The following ADORA2B variants were observed in gnomAD, a reference collection of about 807,000 sequenced individuals.
The protein encoded by ADORA2B is adenosine A2b receptor, also known as adenosine receptor A2b.
ADORA2B carries 18 observed loss-of-function variants against 20.8 expected under a neutral mutation model. That is an observed-to-expected ratio of 0.87 (90% CI 0.60 to 1.29). The LOEUF (loss-of-function observed/expected upper bound fraction) is 1.29. Among genes scored for constraint, ADORA2B ranks in the 50% most tolerant of loss-of-function variants. ADORA2B has a pLI of 0.00. For missense variants in ADORA2B, 441 were observed against 422.7 expected, an observed-to-expected ratio of 1.04 and a Z score of -0.38; for synonymous variants, 179 against 178.3, an observed-to-expected ratio of 1.00 and a Z score of -0.03.
At chr17:15,858,951 C>T in the ADORA2B span, 2 of 152,176 alleles carry the variant, frequency 1.3e-5, no homozygotes, top group Admixed American at 6.5e-5. Context: ...CTGCCAGCTG[C>T]ACCTCTCAGT....
the ADORA2B span, among the ~76,000 whole-genome samples, chr17:15,924,871 C>CT: frequency 2.8e-4 from 40 of 145,044 alleles, no homozygotes; most frequent in Non-Finnish European, 2.7e-4. Flanking sequence ...TTCTTTCTTT[C>CT]TTTTTTTTTT....
chr17:15,975,307 G>A lies in ADORA2B; in HGVS notation c.964G>A (p.Ala322Thr). 6.2e-7 allele frequency: 1 copy of A among 1,613,094 alleles called. No homozygotes were observed. Among genetic ancestry groups the A allele is most frequent in the Non-Finnish European group, 8.5e-7 (1 of 1,180,018 alleles). ...QADVKSGNGQ[A>T]GVQPALGVGL ...AGATGTCAAGAGTGGGAATGGTCAG[G>A]CTGGGGTACAGCCTGCTCTCGGTGT... The change falls in exon 2 of 2, where the codon GCT (alanine) becomes ACT (threonine). Residue 322 changes from alanine to threonine, a missense_variant. Coordinates refer to ENST00000304222, the MANE Select transcript of ADORA2B (RefSeq NM_000676.4).
At chr17:15,967,451 G>A (rs1046797961) in intron 1 of ADORA2B, among the ~76,000 whole-genome samples, 19 of 152,040 alleles carry the variant, frequency 1.2e-4, no homozygotes, top group African/African-American at 4.6e-4. Context: ...GGCTGGTCTC[G>A]AACTCCTAAC....
chr17:15,904,813 G>A, the ADORA2B span, among the ~76,000 whole-genome samples: 2 of 152,092 alleles, frequency 1.3e-5, no homozygotes, highest in African/African-American at 4.8e-5. Context: ...ATTTGTTAGA[G>A]CGTCCTTTAG....
the ADORA2B span, chr17:15,850,751 GTGTGTGTGTCTGTGTC>G: frequency 6.2e-6 from 1 of 160,732 alleles, no homozygotes; most frequent in East Asian, 1.9e-4. Flanking sequence ...ATATGTGTGT[GTGTGTGTGTCTGTGTC>G]TGTGTGTGTA....
the ADORA2B span, among the ~76,000 whole-genome samples, chr17:15,860,363 A>T: frequency 9.9e-5 from 15 of 152,136 alleles, no homozygotes; most frequent in Admixed American, 9.8e-4. Context: ...CTGTGGCTGG[A>T]ATGGCCTTTC....
chr17:15,882,826 G>A, the ADORA2B span, among the ~76,000 whole-genome samples: 1 of 152,144 alleles, frequency 6.6e-6, no homozygotes, highest in African/African-American at 2.4e-5. Flanking sequence ...CCCATGGGCC[G>A]TTTGTCTCAG....
chr17:15,947,328 G>A (rs1185477524), intron 1 of ADORA2B, among the ~76,000 whole-genome samples: 1 of 152,242 alleles, frequency 6.6e-6, no homozygotes, highest in African/African-American at 2.4e-5. Context: ...CCCTGGCAGA[G>A]ACCAGAGACC....
At chr17:15,862,211 C>CTTTTTT in the ADORA2B span, among the ~76,000 whole-genome samples, 267 of 96,232 alleles carry the variant, frequency 2.8e-3, no homozygotes, top group Middle Eastern at 0.013. Flanking sequence ...CTTTTCTTTT[C>CTTTTTT]TTTTTTTTTT....
At chr17:15,923,379 A>ACG in the ADORA2B span, among the ~76,000 whole-genome samples, 2 of 132,388 alleles carry the variant, frequency 1.5e-5, no homozygotes, top group Non-Finnish European at 3.2e-5. Context: ...CTCTCTCTCT[A>ACG]TGTGTGTGTG....
At chr17:15,965,283 A>G (rs1970101830) in intron 1 of ADORA2B, among the ~76,000 whole-genome samples, 3 of 152,216 alleles carry the variant, frequency 2.0e-5, no homozygotes, top group Admixed American at 2.0e-4. Flanking sequence ...TTGATTAAGA[A>G]GGCAGGGTTC....
rs989892050 is a variant in ADORA2B, at chr17:15,950,566, C to T, written c.335+4983C>T. Among the ~76,000 whole-genome samples the T allele has an allele frequency of 1.4e-4, 21 of 152,302 alleles. 1 individual carries two copies. The highest frequency in any genetic ancestry group is 4.6e-4 in the Admixed American group (7 of 15,294). On this transcript the variant is annotated intron_variant, in intron 1 of 1. Transcript: ENST00000304222. Reference sequence around the variant, plus strand: ...AATCGAGCAGTCACTTCCCGGACCTCGTTGAACATGTTCTCTCAGCAGCTC... The same window carrying T: ...AATCGAGCAGTCACTTCCCGGACCTTGTTGAACATGTTCTCTCAGCAGCTC...
At chr17:15,972,718 G>A (rs1286274936) in intron 1 of ADORA2B, among the ~76,000 whole-genome samples, 1 of 152,124 alleles carries the variant, frequency 6.6e-6, no homozygotes, top group Admixed American at 6.5e-5. Context: ...TTGTCCCTTT[G>A]TATTGGTATC....
chr17:15,855,119 T>C, the ADORA2B span, among the ~76,000 whole-genome samples: 1 of 151,564 alleles, frequency 6.6e-6, no homozygotes, highest in East Asian at 1.9e-4. Flanking sequence ...TTAGTAGAGA[T>C]GGGATTTTAC....
chr17:15,947,010 G>T (rs377369999), intron 1 of ADORA2B, among the ~76,000 whole-genome samples: 3 of 152,326 alleles, frequency 2.0e-5, no homozygotes, highest in East Asian at 3.9e-4. Context: ...AGGTTGTTTC[G>T]TGGGTCCCAG....
the ADORA2B span, among the ~76,000 whole-genome samples, chr17:15,935,902 T>G: frequency 6.6e-6 from 1 of 151,052 alleles, no homozygotes; most frequent in African/African-American, 2.4e-5. Flanking sequence ...AGTCTCGCTC[T>G]GTCGCCCAGG....
chr17:15,938,890 TC>T, the ADORA2B span, among the ~76,000 whole-genome samples: 2 of 152,226 alleles, frequency 1.3e-5, no homozygotes, highest in Non-Finnish European at 2.9e-5. Context: ...TCTTCAACTT[TC>T]TTTTTTTTGT....
At chr17:15,892,939 C>T in the ADORA2B span, among the ~76,000 whole-genome samples, 2 of 152,166 alleles carry the variant, frequency 1.3e-5, no homozygotes, top group African/African-American at 2.4e-5. Flanking sequence ...AAGCAAATGT[C>T]GTGGGCTGTG....
the ADORA2B span, among the ~76,000 whole-genome samples, chr17:15,871,628 A>C: frequency 1.3e-5 from 2 of 152,098 alleles, no homozygotes; most frequent in Non-Finnish European, 2.9e-5. Flanking sequence ...AGGAGTCTGG[A>C]ATGTGGTATA....
Sources: gnomAD v4.1 joint callset for allele counts (sites outside exome capture counted in the v4.1 genomes callset) on GRCh38, gnomAD v4.1.1 for gene constraint, MANE v1.5 for transcripts, NCBI Gene and HGNC (gene_info 2026-07-23, HGNC 2026-07-21) for gene names.